Variants in PTGFRN observed in about 807,000 individuals in gnomAD.
PTGFRN encodes prostaglandin F2 receptor inhibitor, also known as prostaglandin F2 receptor negative regulator.
A neutral mutation model predicts 83.2 loss-of-function variants in PTGFRN; 35 were observed. The ratio of observed to expected loss-of-function variants is 0.42; its 90% CI spans 0.32 to 0.56. The LOEUF is 0.56. Among genes scored for constraint, PTGFRN ranks in the 20% least tolerant of loss-of-function variants. The pLI is 0.11. For missense variants in PTGFRN, 1,051 were observed against 1,179.5 expected, an observed-to-expected ratio of 0.89 and a Z score of 1.60; for synonymous variants, 519 against 498.6, an observed-to-expected ratio of 1.04 and a Z score of -0.55.
chr1:116,973,104 G>T (rs575967124), intron 6 of PTGFRN, among the ~76,000 whole-genome samples: 201 of 152,146 alleles, frequency 1.3e-3, no homozygotes, highest in African/African-American at 4.6e-3. Context: ...TTTTTGTAGA[G>T]GCGGGATTTT....
At chr1:116,962,666 C>T (rs1022648547) in intron 5 of PTGFRN, among the ~76,000 whole-genome samples, 1 of 152,072 alleles carries the variant, frequency 6.6e-6, no homozygotes, top group Non-Finnish European at 1.5e-5. Context: ...TACATTAGAC[C>T]GTCTCCCTTC....
At chr1:116,975,642 A>G (rs12748569) in intron 7 of PTGFRN, among the ~76,000 whole-genome samples, 5 of 152,246 alleles carry the variant, frequency 3.3e-5, no homozygotes, top group Admixed American at 2.0e-4. Flanking sequence ...GCAAACTCCA[A>G]CAGACCTGCA....
chr1:116,985,707 CAA>C (rs34050341), intron 8 of PTGFRN, among the ~76,000 whole-genome samples: 6 of 128,790 alleles, frequency 4.7e-5, no homozygotes, highest in Admixed American at 7.8e-5. Flanking sequence ...TACTCCATCT[CAA>C]AAAAAAAAAA....
chr1:116,987,340 T>A lies in PTGFRN; in HGVS notation c.*373T>A, dbSNP rs1651527652. ...GAAGGGGTGATGGCATGCGGAGTTC[T>A]TTATCTTCAGTGAGAATGTGCCTGC... On this transcript the variant is annotated 3_prime_UTR_variant, in exon 9 of 9. Coordinates refer to ENST00000393203, the MANE Select transcript of PTGFRN (RefSeq NM_020440.4). 2 of 216,142 alleles carry A rather than the reference T, an allele frequency of 9.3e-6. No individual in the cohort carries two copies. The highest frequency in any genetic ancestry group is 7.5e-5 in the South Asian group (1 of 13,254). 13.4% of individuals were successfully genotyped at this position (216,142 alleles called of 1,614,324 possible).
chr1:116,939,416 G>A (rs1650008260), intron 1 of PTGFRN, among the ~76,000 whole-genome samples: 1 of 152,244 alleles, frequency 6.6e-6, no homozygotes, highest in Non-Finnish European at 1.5e-5. Flanking sequence ...AGCTGCCAAG[G>A]CTTGGGGCTT....
chr1:116,942,379 G>C (rs182485986), intron 2 of PTGFRN, among the ~76,000 whole-genome samples: 1 of 152,154 alleles, frequency 6.6e-6, no homozygotes, highest in African/African-American at 2.4e-5. Flanking sequence ...TGGAGAGCTG[G>C]CTCTGGAGCC....
Position 116,944,775 on chromosome 1 carries a change from C to T in PTGFRN, c.515C>T (p.Ala172Val). The change falls in exon 3 of 9, where the codon GCC becomes GTC. Residue 172 changes from alanine (A) to valine (V), a missense_variant. By Grantham distance (64) the Ala-to-Val change is moderately conservative. Coordinates refer to ENST00000393203, the MANE Select transcript of PTGFRN (RefSeq NM_020440.4). ...GEPFELRCTAASASPLHTHLA... is the reference protein window; with the variant it reads ...GEPFELRCTAVSASPLHTHLA... ...CCCTTCGAGCTGCGCTGCACCGCCG[C>T]CTCCGCCTCGCCGCTGCACACGCAC... 6.4e-7 allele frequency: 1 copy of T among 1,557,664 alleles called. No individual in the cohort carries two copies. Among genetic ancestry groups the T allele is most frequent in the Non-Finnish European group, 8.7e-7 (1 of 1,155,742 alleles).
At chr1:116,934,219 C>A (rs1196493285) in intron 1 of PTGFRN, among the ~76,000 whole-genome samples, 1 of 152,050 alleles carries the variant, frequency 6.6e-6, no homozygotes, top group African/African-American at 2.4e-5. Context: ...AGTCATGGCT[C>A]ACTGCAGCCT....
chr1:116,932,865 A>G (rs1649832674), intron 1 of PTGFRN, among the ~76,000 whole-genome samples: 1 of 152,218 alleles, frequency 6.6e-6, no homozygotes, highest in African/African-American at 2.4e-5. Context: ...ATGCTGCACT[A>G]TCAAGTTTGG....
rs748332988 is a variant in PTGFRN at position 116,949,271 on chromosome 1, C to T, written c.912C>T (p.Asp304=). ...ELDLTCNITT[D]RADDVRPEVT... is the part of the protein sequence containing the mutation. ...ACCTGACCTGTAACATCACAACAGACCGAGCCGATGACGTCCGGCCCGAGG... is the reference window on the plus strand; with the variant it reads ...ACCTGACCTGTAACATCACAACAGATCGAGCCGATGACGTCCGGCCCGAGG... The change falls in exon 4 of 9, where the codon GAC becomes GAT. Residue 304 remains aspartate (D), a synonymous_variant. Transcript: ENST00000393203. 1.2e-6 allele frequency: 2 copies of T among 1,614,180 alleles called. No individual in the cohort carries two copies. Among genetic ancestry groups the T allele is most frequent in the South Asian group, 2.2e-5 (2 of 91,084 alleles).
chr1:116,948,178 T>C (rs1344026452), intron 3 of PTGFRN, among the ~76,000 whole-genome samples: 2 of 152,198 alleles, frequency 1.3e-5, no homozygotes, highest in Non-Finnish European at 2.9e-5. Context: ...GTACTTGTCA[T>C]CTAAGTAATT....
chr1:116,934,881 T>G (rs1649883147), intron 1 of PTGFRN, among the ~76,000 whole-genome samples: 1 of 152,214 alleles, frequency 6.6e-6, no homozygotes, highest in Non-Finnish European at 1.5e-5. Context: ...TGAGACTGTC[T>G]TTTAGTCTTG....
At chr1:116,935,802 A>AT (rs1170200680) in intron 1 of PTGFRN, among the ~76,000 whole-genome samples, 7 of 150,966 alleles carry the variant, frequency 4.6e-5, no homozygotes, top group South Asian at 2.1e-4. Context: ...ATCAACAGGT[A>AT]TTTTTTTTTC....
At position 116,984,820 on chromosome 1, in the gene PTGFRN, C is replaced by T. The variant is rs760138046; in HGVS notation, c.2308C>T (p.Arg770Cys). The T allele has an allele frequency of 4.3e-6, 7 of 1,613,878 alleles. No homozygotes were observed. Among genetic ancestry groups the T allele is most frequent in the Non-Finnish European group, 4.2e-6 (5 of 1,180,022 alleles). Residue 770 changes from arginine (R) to cysteine (C), a missense_variant, in exon 8 of 9, where the codon CGC becomes TGC. By Grantham distance (180) the Arg-to-Cys change is radical. This residue lies in a region of PTGFRN where 719 missense variants were observed against 836.6 expected (regional missense o/e 0.86). Coordinates refer to ENST00000393203, the MANE Select transcript of PTGFRN (RefSeq NM_020440.4). ...RDWKSDLSLERVSVLEFLLQV... is the reference protein window; with the variant it reads ...RDWKSDLSLECVSVLEFLLQV... ...CTGGAAGAGCGACCTCAGCCTGGAG[C>T]GCGTGAGTGTGCTGGAATTCTTGCT...
intron 6 of PTGFRN, among the ~76,000 whole-genome samples, chr1:116,972,027 T>G (rs1173365059): frequency 6.6e-6 from 1 of 152,172 alleles, no homozygotes; most frequent in African/African-American, 2.4e-5. Context: ...TCACCATGGT[T>G]GCTGCTAACC....
chr1:116,986,716 C>G, intron 8 of PTGFRN, 85 bp from the exon 9 acceptor site: 2 of 1,360,218 alleles, frequency 1.5e-6, no homozygotes, highest in Non-Finnish European at 2.1e-6. Flanking sequence ...AGATCCTGCT[C>G]CAGTGGGGAA....
intron 1 of PTGFRN, among the ~76,000 whole-genome samples, chr1:116,936,212 A>G (rs1450930051): frequency 1.3e-5 from 2 of 148,530 alleles, no homozygotes; most frequent in Non-Finnish European, 3.0e-5. Flanking sequence ...TCCAAGTTAT[A>G]TTTATTTTTA....
chr1:116,918,679 G>A lies in PTGFRN; in HGVS notation c.49+8427G>A, dbSNP rs745643071. Among the ~76,000 whole-genome samples the A allele has an allele frequency of 3.9e-5, 6 of 152,182 alleles. No individual in the cohort carries two copies. The highest frequency in any genetic ancestry group is 7.2e-5 in the African/African-American group (3 of 41,428). On this transcript the variant is annotated intron_variant, in intron 1 of 8. Coordinates refer to ENST00000393203, the MANE Select transcript of PTGFRN (RefSeq NM_020440.4). The surrounding 1 kb of genome is among the most constrained non-coding windows in gnomAD (Gnocchi z 4.1). ...AGAGTGGGCTGGGGCTGGACCCCACGGGAATGTGACAGTCATTCAGTTAGC... is the reference window on the plus strand; with the variant it reads ...AGAGTGGGCTGGGGCTGGACCCCACAGGAATGTGACAGTCATTCAGTTAGC...
At chr1:116,924,269 G>A (rs1319581115) in intron 1 of PTGFRN, among the ~76,000 whole-genome samples, 2 of 149,512 alleles carry the variant, frequency 1.3e-5, no homozygotes, top group Non-Finnish European at 3.0e-5. Context: ...GCCTCAGCCT[G>A]CCGAGTAGCT....
Sources: gnomAD v4.1 joint callset for allele counts (sites outside exome capture counted in the v4.1 genomes callset) on GRCh38, gnomAD v4.1.1 for gene constraint, gnomAD v4.1.1 regional missense constraint, Gnocchi (gnomAD v3.1) non-coding constraint, MANE v1.5 for transcripts, NCBI Gene and HGNC (gene_info 2026-07-23, HGNC 2026-07-21) for gene names.